KCNJ12: variants seen among roughly 807,000 people sequenced by gnomAD.
KCNJ12 encodes potassium inwardly rectifying channel subfamily J member 12.
A neutral mutation model predicts 22.3 loss-of-function variants in KCNJ12; 2 were observed. The observed-to-expected ratio is 0.09, with a 90% CI of 0.04 to 0.28. KCNJ12 has a LOEUF of 0.28. Among genes scored for constraint, KCNJ12 ranks in the 10% least tolerant of loss-of-function variants. The probability of loss-of-function intolerance (pLI) is 1.00; values close to 1 mark genes in which losing one functional copy is unlikely to be tolerated. For synonymous variants in KCNJ12, 117 were observed against 261.4 expected, an observed-to-expected ratio of 0.45 and a Z score of 5.33; for missense variants, 155 against 633.3, an observed-to-expected ratio of 0.24 and a Z score of 8.11.
At chr17:21,396,386 C>T (rs546489934) in intron 1 of KCNJ12, among the ~76,000 whole-genome samples, 10 of 152,208 alleles carry the variant, frequency 6.6e-5, no homozygotes, top group Non-Finnish European at 1.3e-4. Flanking sequence ...ACGTTGATGA[C>T]CACCACAGCT....
intron 1 of KCNJ12, among the ~76,000 whole-genome samples, chr17:21,401,703 T>G (rs1398391772): frequency 2.0e-5 from 3 of 152,166 alleles, no homozygotes; most frequent in African/African-American, 7.2e-5. Flanking sequence ...GATTCAGACT[T>G]TAAGGACTCT....
intron 1 of KCNJ12, among the ~76,000 whole-genome samples, chr17:21,384,902 A>G (rs1372686360): frequency 1.3e-5 from 2 of 151,480 alleles, no homozygotes; most frequent in East Asian, 1.9e-4. Flanking sequence ...CCTCCCGAGT[A>G]GCTGGGACTA....
At chr17:21,402,712 G>T (rs1201838879) in intron 1 of KCNJ12, among the ~76,000 whole-genome samples, 1 of 152,312 alleles carries the variant, frequency 6.6e-6, no homozygotes, top group Non-Finnish European at 1.5e-5. Context: ...GAAAGCAACT[G>T]TAACGTGCTC....
chr17:21,415,750 C>G lies in KCNJ12; in HGVS notation c.408C>G (p.Phe136Leu), dbSNP rs781875412. 4.9e-5 allele frequency: 79 copies of G among 1,610,376 alleles called. No homozygotes were observed. In the Middle Eastern group the frequency reaches 8.4e-4, roughly 17 times the overall value. ...ACGGCTTCATGGCGGCCTTCCTCTT[C>G]TCCATCGAGACGCAGACCACCATCG... is the stretch of plus-strand genomic sequence containing the variant. The part of the protein sequence containing the change: ...QVHGFMAAFL[F>L]SIETQTTIGY... The change falls in exon 3 of 3, where the codon TTC (phenylalanine) becomes TTG (leucine). Residue 136 changes from phenylalanine (F) to leucine (L), a missense_variant. Phe to Leu is a conservative substitution (Grantham distance 22, BLOSUM62 0). Transcript: ENST00000583088.
chr17:21,377,565 TTCAGGGCCAGGGTCCAC>T, intron 1 of KCNJ12, among the ~76,000 whole-genome samples: 1 of 152,098 alleles, frequency 6.6e-6, no homozygotes, highest in East Asian at 1.9e-4. Flanking sequence ...CTCCCAGGGT[TTCAGGGCCAGGGTCCAC>T]CCTGCGCGCG....
intron 1 of KCNJ12, chr17:21,405,409 G>C (rs1248710136): frequency 1.3e-5 from 2 of 152,214 alleles, no homozygotes; most frequent in African/African-American, 2.4e-5. Flanking sequence ...TCCAGGGAGG[G>C]TGACAGCTGC....
chr17:21,386,583 C>A (rs1905077461), intron 1 of KCNJ12, among the ~76,000 whole-genome samples: 1 of 152,208 alleles, frequency 6.6e-6, no homozygotes, highest in Admixed American at 6.5e-5. Flanking sequence ...TCTCGGCTCA[C>A]TGCAACCTCC....
At chr17:21,386,542 T>C (rs1256195091) in intron 1 of KCNJ12, among the ~76,000 whole-genome samples, 2 of 152,146 alleles carry the variant, frequency 1.3e-5, no homozygotes, top group East Asian at 3.9e-4. Context: ...GGAGTCTCGC[T>C]CTGTCACCAG....
rs552672135 is a variant in KCNJ12 at position 21,381,401 on chromosome 17, C to T, written c.-179+4488C>T. On this transcript the variant is annotated intron_variant, in intron 1 of 2. Coordinates refer to ENST00000583088, the MANE Select transcript of KCNJ12 (RefSeq NM_021012.5). ...CACTCTGGGTGTCAGGGCCCTCTGT[C>T]GATTCCCACCACACTCCTCCCTGGG... Among the ~76,000 whole-genome samples, 4 of 152,164 alleles carry T rather than the reference C, an allele frequency of 2.6e-5. No individual in the cohort carries two copies. The South Asian group carries it at 8.3e-4, about 32-fold the overall frequency.
chr17:21,400,820 A>C (rs1905572356), intron 1 of KCNJ12, among the ~76,000 whole-genome samples: 1 of 152,312 alleles, frequency 6.6e-6, no homozygotes, highest in Non-Finnish European at 1.5e-5. Context: ...ACTTATCAAA[A>C]CATTCTTTTA....
Position 21,400,684 on chromosome 17 carries a change from T to C in KCNJ12, c.-178-7835T>C, listed in dbSNP as rs1905559670. On this transcript the variant is annotated intron_variant, in intron 1 of 2. Coordinates refer to ENST00000583088, the MANE Select transcript of KCNJ12 (RefSeq NM_021012.5). ...AGGTGCTCAGCCCTTCTCCCTCTGA[T>C]CCAGCGTGCTGAGCTGTTCGTGTGC... Among the ~76,000 whole-genome samples the C allele has an allele frequency of 1.7e-4, 26 of 152,424 alleles. No individual in the cohort carries two copies. In the South Asian group the frequency reaches 5.4e-3, roughly 32 times the overall value.
At chr17:21,395,627 G>A (rs1318855358) in intron 1 of KCNJ12, among the ~76,000 whole-genome samples, 1 of 149,452 alleles carries the variant, frequency 6.7e-6, no homozygotes, top group African/African-American at 2.5e-5. Context: ...AATAATGGAC[G>A]TGATGATAAC....
At chr17:21,398,091 A>ATG (rs58836229) in intron 1 of KCNJ12, among the ~76,000 whole-genome samples, 6,393 of 146,876 alleles carry the variant, frequency 0.044, 173 homozygotes, top group Non-Finnish European at 0.061. Flanking sequence ...ACGTGTGTGT[A>ATG]TGTGTGTGTG....
intron 1 of KCNJ12, among the ~76,000 whole-genome samples, chr17:21,399,254 C>A (rs1256450135): frequency 6.6e-6 from 1 of 152,214 alleles, no homozygotes; most frequent in African/African-American, 2.4e-5. Context: ...GATCATGTGG[C>A]CTTTGGGCTC....
intron 2 of KCNJ12, among the ~76,000 whole-genome samples, chr17:21,411,469 C>T (rs1284504759): frequency 6.6e-6 from 1 of 152,298 alleles, no homozygotes; most frequent in African/African-American, 2.4e-5. Context: ...ACCGCCTTGT[C>T]TAGCTCAGGT....
rs1209562823 is a variant in KCNJ12, at chr17:21,414,330, C to T, written c.-56-957C>T. Among the ~76,000 whole-genome samples the T allele has an allele frequency of 2.5e-4, 38 of 152,264 alleles. No individual in the cohort carries two copies. In the South Asian group the frequency reaches 3.6e-3, roughly 14 times the overall value. ...TCTCTACTTAAAATACAAAAGTTAG[C>T]TGGATGTGGTGGCGGGCACCTATAA... On this transcript the variant is annotated intron_variant, in intron 2 of 2. Coordinates refer to ENST00000583088, the MANE Select transcript of KCNJ12 (RefSeq NM_021012.5).
At position 21,416,431 on chromosome 17, in the gene KCNJ12, A is replaced by T; in HGVS notation, c.1089A>T (p.Val363=). ...STPRCSAKDL[V]ENKFLLPSAN... ...CCCGCTGCAGTGCGAAGGATCTGGT[A>T]GAGAACAAGTTCCTGCTGCCCAGCG... Residue 363 remains valine (V), a synonymous_variant, in exon 3 of 3, where the codon GTA becomes GTT. Coordinates refer to ENST00000583088, the MANE Select transcript of KCNJ12 (RefSeq NM_021012.5). 6.3e-7 allele frequency: 1 copy of T among 1,583,864 alleles called. No homozygotes were observed.
Position 21,418,675 on chromosome 17 carries a change from C to G in KCNJ12, c.*2031C>G, listed in dbSNP as rs1468419767. ...GCAGCTCTTTCCTCTCGGGGTCTGC[C>G]AGGGGTGCCTCAGCTGGTTCCTGCT... On this transcript the variant is annotated 3_prime_UTR_variant, in exon 3 of 3. Transcript: ENST00000583088. 6.0e-6 allele frequency: 1 copy of G among 167,662 alleles called. No individual in the cohort carries two copies. The highest frequency in any genetic ancestry group is 6.5e-5 in the Admixed American group (1 of 15,298). The allele number at this position is 167,662 out of a possible 1,614,324, so 10.4% of individuals were successfully genotyped here. A position where few individuals can be genotyped will look rare whatever the true frequency, so the allele number is the denominator to read the frequency against.
intron 1 of KCNJ12, among the ~76,000 whole-genome samples, chr17:21,388,060 T>G (rs1160730807): frequency 6.6e-6 from 1 of 152,166 alleles, no homozygotes; most frequent in East Asian, 1.9e-4. Context: ...GCTTGGCGTC[T>G]CCTTTGTTTT....
Sources: gnomAD v4.1 joint callset for allele counts (sites outside exome capture counted in the v4.1 genomes callset) on GRCh38, gnomAD v4.1.1 for gene constraint, MANE v1.5 for transcripts, NCBI Gene and HGNC (gene_info 2026-07-23, HGNC 2026-07-21) for gene names.